The following LRRC4C variants were observed in gnomAD, a reference collection of about 807,000 sequenced individuals.
The protein encoded by LRRC4C is leucine rich repeat containing 4C.
A neutral mutation model predicts 33.6 loss-of-function variants in LRRC4C; 5 were observed. The ratio of observed to expected loss-of-function variants is 0.15; its 90% confidence interval spans 0.08 to 0.31. The LOEUF is 0.31. LRRC4C is among the 10% of genes least tolerant of loss of function. LRRC4C has a pLI of 1.00. For missense variants in LRRC4C, 560 were observed against 796.7 expected, an observed-to-expected ratio of 0.70 and a Z score of 3.58; for synonymous variants, 329 against 302.0, an observed-to-expected ratio of 1.09 and a Z score of -0.93.
At chr11:40,984,163 A>C (rs1017395116) in intron 1 of LRRC4C, among the ~76,000 whole-genome samples, 2 of 151,232 alleles carry the variant, frequency 1.3e-5, no homozygotes, top group African/African-American at 2.4e-5. Context: ...GAAAGAAAGA[A>C]AGAAAAGAAA....
At chr11:41,309,478 A>G (rs1950590794) in intron 1 of LRRC4C, among the ~76,000 whole-genome samples, 2 of 152,202 alleles carry the variant, frequency 1.3e-5, no homozygotes, top group African/African-American at 4.8e-5. Flanking sequence ...GAATAGAGAA[A>G]CAGGGGTTAT....
chr11:40,945,196 A>G (rs1054546291), intron 1 of LRRC4C, among the ~76,000 whole-genome samples: 44 of 100,156 alleles, frequency 4.4e-4, no homozygotes, highest in Admixed American at 9.3e-4. Flanking sequence ...CGCCCGGCTA[A>G]TTTTTTTGTA....
At chr11:41,105,128 A>G (rs1346654372) in intron 1 of LRRC4C, among the ~76,000 whole-genome samples, 4 of 152,002 alleles carry the variant, frequency 2.6e-5, no homozygotes, top group East Asian at 3.9e-4. Context: ...TAAGCACCCT[A>G]CATTATCTGA....
chr11:40,462,320 C>T (rs904615651), intron 3 of LRRC4C, among the ~76,000 whole-genome samples: 2 of 151,988 alleles, frequency 1.3e-5, no homozygotes, highest in Non-Finnish European at 2.9e-5. Flanking sequence ...TATGTAGGAA[C>T]AATTGGAAGC....
At chr11:40,117,289 C>A (rs1437334541) in intron 6 of LRRC4C, among the ~76,000 whole-genome samples, 1 of 152,110 alleles carries the variant, frequency 6.6e-6, no homozygotes, top group East Asian at 1.9e-4. Context: ...ATTTATGGTA[C>A]CTGTGAAGAT....
intron 3 of LRRC4C, among the ~76,000 whole-genome samples, chr11:40,335,036 A>T (rs1192252509): frequency 1.3e-5 from 2 of 152,074 alleles, no homozygotes; most frequent in African/African-American, 4.8e-5. Flanking sequence ...GCAACAATAG[A>T]TTTTTCTCAT....
intron 1 of LRRC4C, among the ~76,000 whole-genome samples, chr11:41,026,858 C>CT (rs1856407453): frequency 6.6e-6 from 1 of 151,496 alleles, no homozygotes; most frequent in Non-Finnish European, 1.5e-5. Flanking sequence ...TTACTGCACA[C>CT]TTAACAGACT....
intron 5 of LRRC4C, among the ~76,000 whole-genome samples, chr11:40,178,360 G>C (rs1022311204): frequency 2.0e-5 from 3 of 152,140 alleles, no homozygotes; most frequent in African/African-American, 7.2e-5. Context: ...AGGCAACAGG[G>C]AGGCAGCCTA....
At chr11:41,054,658 C>T (rs10501247) in intron 1 of LRRC4C, among the ~76,000 whole-genome samples, 1 of 152,122 alleles carries the variant, frequency 6.6e-6, no homozygotes, top group Non-Finnish European at 1.5e-5. Context: ...TGGAAAGCAA[C>T]TTATCTTTTG....
At chr11:41,230,332 A>G (rs954861599) in intron 1 of LRRC4C, among the ~76,000 whole-genome samples, 7 of 152,094 alleles carry the variant, frequency 4.6e-5, no homozygotes, top group Non-Finnish European at 8.8e-5. Flanking sequence ...ATACCTTGGA[A>G]TGAGGCACTG....
At chr11:41,190,293 T>C (rs1440333184) in intron 1 of LRRC4C, among the ~76,000 whole-genome samples, 2 of 152,116 alleles carry the variant, frequency 1.3e-5, no homozygotes, top group African/African-American at 4.8e-5. Flanking sequence ...ACTTGTGCAA[T>C]GTAAACAGCT....
intron 1 of LRRC4C, among the ~76,000 whole-genome samples, chr11:41,026,071 T>C (rs928977781): frequency 6.6e-6 from 1 of 151,746 alleles, no homozygotes; most frequent in Non-Finnish European, 1.5e-5. Context: ...AACCTATGGA[T>C]CAAAGAATAA....
intron 3 of LRRC4C, among the ~76,000 whole-genome samples, chr11:40,584,177 C>CATATATAT (rs371413523): frequency 0.024 from 1,723 of 71,232 alleles, 197 homozygotes; most frequent in East Asian, 0.075. Context: ...ACGCACACTT[C>CATATATAT]ATATATATAT....
intron 3 of LRRC4C, among the ~76,000 whole-genome samples, chr11:40,476,912 A>G (rs1953264908): frequency 6.6e-6 from 1 of 152,188 alleles, no homozygotes; most frequent in Admixed American, 6.5e-5. Flanking sequence ...AATTTATCCT[A>G]TCCTAAGATC....
At chr11:40,953,881 A>G (rs2136764179) in intron 1 of LRRC4C, among the ~76,000 whole-genome samples, 1 of 152,010 alleles carries the variant, frequency 6.6e-6, no homozygotes, top group East Asian at 1.9e-4. Flanking sequence ...TTATTTTGTC[A>G]TTACAAAAGG....
At chr11:40,365,672 T>C (rs1948177464) in intron 3 of LRRC4C, among the ~76,000 whole-genome samples, 1 of 151,890 alleles carries the variant, frequency 6.6e-6, no homozygotes, top group Non-Finnish European at 1.5e-5. Context: ...ATGTCATGAG[T>C]GGTGACTCAA....
At chr11:40,814,404 A>G (rs1951622244) in intron 2 of LRRC4C, among the ~76,000 whole-genome samples, 1 of 152,034 alleles carries the variant, frequency 6.6e-6, no homozygotes, top group South Asian at 2.1e-4. Context: ...AAGTCCCTAC[A>G]CTGCACACAG....
At chr11:40,443,125 C>A (rs1842252994) in intron 3 of LRRC4C, among the ~76,000 whole-genome samples, 1 of 152,134 alleles carries the variant, frequency 6.6e-6, no homozygotes, top group African/African-American at 2.4e-5. Flanking sequence ...AGTATATGAT[C>A]AATCAGGCAT....
At chr11:40,273,374 G>A (rs549946851) in intron 4 of LRRC4C, among the ~76,000 whole-genome samples, 17 of 152,198 alleles carry the variant, frequency 1.1e-4, no homozygotes, top group African/African-American at 4.1e-4. Flanking sequence ...AATGATCAGT[G>A]CATATAATTC....
Sources: gnomAD v4.1 joint callset for allele counts (sites outside exome capture counted in the v4.1 genomes callset) on GRCh38, gnomAD v4.1.1 for gene constraint, MANE v1.5 for transcripts, NCBI Gene and HGNC (gene_info 2026-07-23, HGNC 2026-07-21) for gene names.